The following CIDEA variants were observed in gnomAD, a reference collection of about 807,000 sequenced individuals.
The protein encoded by CIDEA is cell death inducing DFFA like effector a.
A neutral mutation model predicts 18.2 loss-of-function variants in CIDEA; 10 were observed. The observed-to-expected ratio is 0.55, with a 90% CI of 0.34 to 0.93. The LOEUF is 0.93. Among genes scored for constraint, CIDEA ranks in the 40% least tolerant of loss-of-function variants. CIDEA has a pLI of 0.02. For synonymous variants in CIDEA, 128 were observed against 124.8 expected (o/e 1.03, Z -0.17); for missense variants, 309 against 293.1 (o/e 1.05, Z -0.40).
At chr18:12,254,541 G>A (rs767531624) in intron 1 of CIDEA, 120 bp downstream of exon 1, 3 of 1,277,270 alleles carry the variant, frequency 2.3e-6, no homozygotes, top group Non-Finnish European at 3.2e-6. Flanking sequence ...CCTGCTCCCC[G>A]CATTCTCTTG....
intron 1 of CIDEA, among the ~76,000 whole-genome samples, chr18:12,258,993 G>A (rs1422486691): frequency 1.3e-5 from 2 of 152,224 alleles, no homozygotes; most frequent in Non-Finnish European, 2.9e-5. Context: ...CGAATTCCCC[G>A]TGGTGTCAGC....
intron 3 of CIDEA, among the ~76,000 whole-genome samples, chr18:12,269,860 G>A (rs1912464696): frequency 6.6e-6 from 1 of 152,062 alleles, no homozygotes; most frequent in African/African-American, 2.4e-5. Context: ...ACCACACCCA[G>A]CTAAATGCTT....
Position 12,277,160 on chromosome 18 carries a change from A to G in CIDEA, c.550A>G (p.Thr184Ala). The G allele has an allele frequency of 6.2e-7, 1 of 1,614,110 alleles. No homozygotes were observed. Among genetic ancestry groups the G allele is most frequent in the East Asian group, 2.2e-5 (1 of 44,880 alleles). Reference protein sequence around the residue: ...LRFLSYSAQVTGQFLIYLGTY... With the variant: ...LRFLSYSAQVAGQFLIYLGTY... ...GTTCCTGTCCTACTCCGCCCAGGTG[A>G]CGGGACAGTTTCTCATCTATCTGGG... Residue 184 changes from threonine (T) to alanine (A), a missense_variant, in exon 5 of 5, where the codon ACG becomes GCG. Thr to Ala is a moderately conservative substitution (Grantham distance 58). Coordinates refer to ENST00000320477, the MANE Select transcript of CIDEA (RefSeq NM_001279.4).
chr18:12,258,374 G>A (rs186069545), intron 1 of CIDEA, among the ~76,000 whole-genome samples: 9 of 152,342 alleles, frequency 5.9e-5, no homozygotes, highest in African/African-American at 1.9e-4. Context: ...CCAGGGCTGC[G>A]CCTTTGACCA....
chr18:12,277,421 T>C lies in CIDEA; in HGVS notation c.*151T>C, dbSNP rs1306831298. 1 of 872,698 alleles carries C rather than the reference T, an allele frequency of 1.1e-6. No homozygotes were observed. Among genetic ancestry groups the C allele is most frequent in the East Asian group, 2.8e-5 (1 of 35,356 alleles). 54.1% of individuals were successfully genotyped at this position (872,698 alleles called of 1,614,324 possible). ...AGTGGTGCCCAGAAAAGGAAAGGGCTTGGTGGTACATGAAGTGGGGGCAGT... is the reference window on the plus strand; with the variant it reads ...AGTGGTGCCCAGAAAAGGAAAGGGCCTGGTGGTACATGAAGTGGGGGCAGT... On this transcript the variant is annotated 3_prime_UTR_variant, in exon 5 of 5. Coordinates refer to ENST00000320477, the MANE Select transcript of CIDEA (RefSeq NM_001279.4).
At chr18:12,264,484 A>G (rs986521041) in intron 3 of CIDEA, 31 bp downstream of exon 3, 8 of 1,580,094 alleles carry the variant, frequency 5.1e-6, no homozygotes, top group Middle Eastern at 1.7e-4. Flanking sequence ...CCAAACAGCT[A>G]CTGGGTAGAC....
At chr18:12,266,578 T>A (rs767006801) in intron 3 of CIDEA, among the ~76,000 whole-genome samples, 1 of 152,172 alleles carries the variant, frequency 6.6e-6, no homozygotes, top group Non-Finnish European at 1.5e-5. Context: ...AAATGGAGAC[T>A]CAGGTTAGAC....
At chr18:12,263,362 A>G (rs962051897) in intron 2 of CIDEA, among the ~76,000 whole-genome samples, 6 of 152,220 alleles carry the variant, frequency 3.9e-5, no homozygotes, top group African/African-American at 1.4e-4. Context: ...AGTGGATCAT[A>G]TGATATGTGA....
chr18:12,255,629 G>A (rs1261929049), intron 1 of CIDEA, among the ~76,000 whole-genome samples: 1 of 152,162 alleles, frequency 6.6e-6, no homozygotes, highest in East Asian at 1.9e-4. Context: ...TTAGCAGTTT[G>A]GAATGCGTCC....
At chr18:12,257,232 G>A (rs971214339) in intron 1 of CIDEA, among the ~76,000 whole-genome samples, 1 of 152,126 alleles carries the variant, frequency 6.6e-6, no homozygotes, top group African/African-American at 2.4e-5. Context: ...CAATTCCTGT[G>A]TACTGCTTCT....
intron 1 of CIDEA, among the ~76,000 whole-genome samples, chr18:12,255,635 C>T (rs1912010814): frequency 6.6e-6 from 1 of 152,174 alleles, no homozygotes; most frequent in Admixed American, 6.6e-5. Context: ...GTTTGGAATG[C>T]GTCCTTCCAA....
intron 3 of CIDEA, among the ~76,000 whole-genome samples, chr18:12,270,898 T>TC (rs1298042585): frequency 4.0e-4 from 40 of 99,524 alleles, no homozygotes; most frequent in African/African-American, 1.1e-3. Flanking sequence ...TCTTTTCTTT[T>TC]TTTTTTTTTT....
chr18:12,274,269 G>A lies in CIDEA; in HGVS notation c.507G>A (p.Leu169=). 6.2e-7 allele frequency: 1 copy of A among 1,614,142 alleles called. No individual in the cohort carries two copies. Among genetic ancestry groups the A allele is most frequent in the Non-Finnish European group, 8.5e-7 (1 of 1,180,004 alleles). ...TCCGGTGCACGGGACTCAAGGGCCTGCTGAGGTAACACACTCCAGGGGTCA... is the reference window on the plus strand; with the variant it reads ...TCCGGTGCACGGGACTCAAGGGCCTACTGAGGTAACACACTCCAGGGGTCA... ...YDIRCTGLKG[L]LRSLLRFLSY... Residue 169 remains leucine (L), a synonymous_variant, in exon 4 of 5, where the codon CTG becomes CTA. Transcript: ENST00000320477.
chr18:12,273,844 C>G (rs1004774692), intron 3 of CIDEA, among the ~76,000 whole-genome samples: 19 of 152,232 alleles, frequency 1.2e-4, no homozygotes, highest in African/African-American at 4.6e-4. Flanking sequence ...GGCCCTGACG[C>G]CACACCAGAC....
chr18:12,260,475 T>G (rs925108604), intron 1 of CIDEA, among the ~76,000 whole-genome samples: 3 of 152,174 alleles, frequency 2.0e-5, no homozygotes, highest in African/African-American at 7.2e-5. Context: ...CATGAGCCAT[T>G]GCACCCAGCC....
rs139153810 is a variant in CIDEA, at chr18:12,262,908, A to G, written c.122A>G (p.Asn41Ser). 1.2e-4 allele frequency: 187 copies of G among 1,614,026 alleles called. No homozygotes were observed. Among genetic ancestry groups the G allele is most frequent in the Non-Finnish European group, 1.5e-4 (175 of 1,180,020 alleles). The change falls in exon 2 of 5, where the codon AAC becomes AGC. Residue 41 changes from asparagine to serine, a missense_variant. Coordinates refer to ENST00000320477, the MANE Select transcript of CIDEA (RefSeq NM_001279.4). ...CCAGCTCGCCCTTTCCGGGTCTCCA[A>G]CCATGACAGGAGCAGCCGGCGTGGG... ...MHPARPFRVS[N>S]HDRSSRRGVM...
Position 12,262,911 on chromosome 18 carries a change from A to T in CIDEA, c.125A>T (p.His42Leu). The change falls in exon 2 of 5, where the codon CAT (histidine) becomes CTT (leucine). Residue 42 changes from histidine to leucine, a missense_variant. His to Leu is a moderately conservative substitution (Grantham distance 99, BLOSUM62 -3). Transcript: ENST00000320477. ...GCTCGCCCTTTCCGGGTCTCCAACCATGACAGGAGCAGCCGGCGTGGGGTG... is the reference window on the plus strand; with the variant it reads ...GCTCGCCCTTTCCGGGTCTCCAACCTTGACAGGAGCAGCCGGCGTGGGGTG... ...HPARPFRVSN[H>L]DRSSRRGVMA... 2 of 1,614,150 alleles carry T rather than the reference A, an allele frequency of 1.2e-6. No homozygotes were observed. Among genetic ancestry groups the T allele is most frequent in the Non-Finnish European group, 1.7e-6 (2 of 1,180,024 alleles).
intron 3 of CIDEA, among the ~76,000 whole-genome samples, chr18:12,270,345 A>T (rs745424875): frequency 5.1e-4 from 77 of 152,074 alleles, no homozygotes; most frequent in Admixed American, 1.3e-3. Flanking sequence ...ACTGGGAAAG[A>T]AACCACAGAC....
At chr18:12,274,398 T>A in intron 4 of CIDEA, 124 bp downstream of exon 4, 1 of 802,312 alleles carries the variant, frequency 1.2e-6, no homozygotes, top group Non-Finnish European at 2.0e-6. Context: ...GCAGTTGGAG[T>A]AATGTTGTCT....
Sources: gnomAD v4.1 joint callset for allele counts (sites outside exome capture counted in the v4.1 genomes callset) on GRCh38, gnomAD v4.1.1 for gene constraint, MANE v1.5 for transcripts, NCBI Gene and HGNC (gene_info 2026-07-23, HGNC 2026-07-21) for gene names.